PAK3: variants seen among roughly 807,000 people sequenced by gnomAD.
PAK3 encodes serine/threonine-protein kinase PAK 3.
In PAK3, 4 loss-of-function variants were observed where a neutral mutation model predicts 41.0. That is an observed-to-expected ratio of 0.10 (90% CI 0.05 to 0.22). The LOEUF is 0.22. Ranked by LOEUF, PAK3 falls within the 10% of genes least tolerant of loss-of-function variation. The pLI is 1.00. For missense variants in PAK3, 205 were observed against 409.9 expected, an observed-to-expected ratio of 0.50 and a Z score of 4.32; for synonymous variants, 146 against 139.6, an observed-to-expected ratio of 1.05 and a Z score of -0.32.
At chrX:111,045,384 T>G (rs1163833389) in intron 1 of PAK3, among the ~76,000 whole-genome samples, 1 of 112,304 alleles carries the variant, frequency 8.9e-6, no homozygotes, top group Non-Finnish European at 1.9e-5. Context: ...TTCTGGCATT[T>G]TGAGCACAGC....
intron 1 of PAK3, among the ~76,000 whole-genome samples, chrX:111,041,856 T>G (rs1445101142): frequency 1.8e-5 from 2 of 111,969 alleles, no homozygotes; most frequent in African/African-American, 3.2e-5. Context: ...GTATTACTAC[T>G]CAGATCTGTC....
intron 1 of PAK3, among the ~76,000 whole-genome samples, chrX:111,082,184 G>A (rs1474404104): frequency 8.9e-6 from 1 of 111,844 alleles, no homozygotes; most frequent in Non-Finnish European, 1.9e-5. Flanking sequence ...TTTGTTGATC[G>A]AATTTGTTGG....
At chrX:111,005,640 C>A (rs2091911372) in intron 1 of PAK3, among the ~76,000 whole-genome samples, 1 of 111,299 alleles carries the variant, frequency 9.0e-6, no homozygotes, top group African/African-American at 3.3e-5. Context: ...TGTGGCAAGC[C>A]CGAAGAGAAA....
intron 1 of PAK3, among the ~76,000 whole-genome samples, chrX:111,003,211 C>T (rs761906240): frequency 2.6e-4 from 29 of 111,992 alleles, no homozygotes; most frequent in Non-Finnish European, 5.3e-4. Flanking sequence ...ACAGTGTCAC[C>T]TTCAAACACA....
At chrX:111,145,337 T>C (rs1468690025) in intron 6 of PAK3, among the ~76,000 whole-genome samples, 1 of 112,276 alleles carries the variant, frequency 8.9e-6, no homozygotes, top group East Asian at 2.8e-4. Context: ...GGCAGCATTT[T>C]TTCCTGCTGT....
intron 1 of PAK3, among the ~76,000 whole-genome samples, chrX:111,028,647 G>C (rs1449438659): frequency 8.9e-6 from 1 of 111,765 alleles, no homozygotes; most frequent in African/African-American, 3.2e-5. Flanking sequence ...ATAAAAGTTG[G>C]GTTGATAAGG....
At chrX:111,017,416 C>A (rs1357642368) in intron 1 of PAK3, among the ~76,000 whole-genome samples, 4 of 110,686 alleles carry the variant, frequency 3.6e-5, no homozygotes, top group Admixed American at 9.6e-5. Flanking sequence ...ACAGACATTA[C>A]CAAAAATGTT....
chrX:110,989,355 A>G (rs1454404068), intron 1 of PAK3, among the ~76,000 whole-genome samples: 4 of 112,543 alleles, frequency 3.6e-5, no homozygotes, highest in African/African-American at 1.3e-4. Flanking sequence ...CAGATAATGA[A>G]AATAATCCCA....
At chrX:111,078,969 TA>T (rs1363213938) in intron 1 of PAK3, among the ~76,000 whole-genome samples, 1 of 112,342 alleles carries the variant, frequency 8.9e-6, no homozygotes, top group Non-Finnish European at 1.9e-5. Context: ...GAGCAAGGCC[TA>T]ACTTTCTTCA....
intron 1 of PAK3, among the ~76,000 whole-genome samples, chrX:111,091,032 G>T (rs188989254): frequency 8.9e-6 from 1 of 111,944 alleles, no homozygotes; most frequent in East Asian, 2.8e-4. Flanking sequence ...ATTAAACAAT[G>T]TGGTTTGATA....
chrX:111,078,083 G>A (rs1315159013), intron 1 of PAK3, among the ~76,000 whole-genome samples: 1 of 111,516 alleles, frequency 9.0e-6, no homozygotes, highest in Non-Finnish European at 1.9e-5. Context: ...AATCAACAGG[G>A]AAATACAAAT....
intron 1 of PAK3, among the ~76,000 whole-genome samples, chrX:110,980,609 G>C (rs898659408): frequency 9.0e-6 from 1 of 111,700 alleles, no homozygotes; most frequent in Admixed American, 9.4e-5. Context: ...TAGGAGAAAC[G>C]ACATACACAT....
chrX:111,079,872 G>A (rs773977242), intron 1 of PAK3, among the ~76,000 whole-genome samples: 2 of 112,158 alleles, frequency 1.8e-5, no homozygotes, highest in South Asian at 7.4e-4. Flanking sequence ...AGATGACTTT[G>A]ATTAGGTTTA....
chrX:111,055,895 C>T (rs974596751), intron 1 of PAK3, among the ~76,000 whole-genome samples: 16 of 111,623 alleles, frequency 1.4e-4, no homozygotes, highest in Admixed American at 1.2e-3. Flanking sequence ...ATGAACAGAC[C>T]AGGCATATGG....
chrX:111,134,528 T>C (rs1204605892), intron 5 of PAK3, among the ~76,000 whole-genome samples: 1 of 112,045 alleles, frequency 8.9e-6, no homozygotes, highest in Non-Finnish European at 1.9e-5. Flanking sequence ...GATGCTGTGC[T>C]AGATAGGTGC....
chrX:111,091,462 C>A (rs758262561), upstream of PAK3, among the ~76,000 whole-genome samples: 8 of 111,794 alleles, frequency 7.2e-5, no homozygotes, highest in Non-Finnish European at 1.3e-4. Context: ...TAGTGCCCAG[C>A]GAAATTTGAG....
upstream of PAK3, among the ~76,000 whole-genome samples, chrX:111,094,624 A>G: frequency 9.2e-6 from 1 of 109,106 alleles, no homozygotes; most frequent in Non-Finnish European, 1.9e-5. Context: ...TCAGTCCAAA[A>G]GAGGCATCCC....
At position 111,070,523 on chromosome X, in the gene PAK3, G is replaced by A. The variant is rs748602407; in HGVS notation, c.-27-52554G>A. Among the ~76,000 whole-genome samples, 8 of 111,879 alleles carry A rather than the reference G, an allele frequency of 7.2e-5. No individual in the cohort carries two copies. In the East Asian group the frequency reaches 2.0e-3, roughly 28 times the overall value. On this transcript the variant is annotated intron_variant, in intron 1 of 14. Coordinates refer to the PAK3 transcript ENST00000425146. The stretch of plus-strand genomic sequence containing the variant: ...AACTCAAGATGAAGTGGGGCAGGGC[G>A]AGAAGGCTTCTTTGACTGCAAAAGT...
Position 111,225,625 on chromosome X carries a change from G to A in PAK3, c.*5178G>A, listed in dbSNP as rs2094949123. 1 of 111,528 alleles carries A rather than the reference G, an allele frequency of 9.0e-6. No homozygotes were observed. The highest frequency in any genetic ancestry group is 3.3e-5 in the African/African-American group (1 of 30,631). The allele number at this position is 111,528 out of a possible 1,213,427, so 9.2% of individuals were successfully genotyped here. ...TAGCCTAGGAAGAAGGAGCCCCGGA[G>A]TCTAATATGAGCTTTATTACTAAAT... On this transcript the variant is annotated 3_prime_UTR_variant, in exon 18 of 18. Coordinates refer to ENST00000372007, the MANE Select transcript of PAK3 (RefSeq NM_002578.5).
Sources: allele counts gnomAD v4.1 joint callset (sites outside exome capture counted in the v4.1 genomes callset), GRCh38; gene constraint gnomAD v4.1.1; transcripts MANE v1.5; gene names NCBI Gene and HGNC (gene_info 2026-07-23, HGNC 2026-07-21).